TMEM243: variants seen among roughly 807,000 people sequenced by gnomAD.
TMEM243 encodes transmembrane protein 243.
Under a neutral mutation model 15.0 loss-of-function variants are expected in TMEM243, and 20 were observed. The observed-to-expected ratio is 1.33, with a 90% confidence interval of 0.94 to 1.93. The LOEUF (loss-of-function observed/expected upper bound fraction) is 1.93. Ranked by LOEUF, TMEM243 falls within the 30% of genes most tolerant of loss-of-function variation. TMEM243 has a pLI of 0.00. For missense variants in TMEM243, 156 were observed against 142.1 expected (o/e 1.10, Z -0.50); for synonymous variants, 72 against 52.7 (o/e 1.37, Z -1.59).
At chr7:87,208,478 G>C (rs1802385642) in intron 1 of TMEM243, among the ~76,000 whole-genome samples, 1 of 152,176 alleles carries the variant, frequency 6.6e-6, no homozygotes, top group Admixed American at 6.5e-5. Flanking sequence ...CTGCCCCTGT[G>C]CTTTTCAGGG....
chr7:87,217,100 G>T (rs1803168698), intron 1 of TMEM243, among the ~76,000 whole-genome samples: 1 of 152,214 alleles, frequency 6.6e-6, no homozygotes, highest in South Asian at 2.1e-4. Context: ...CTTTGCCTTA[G>T]AGCTTGCACC....
intron 1 of TMEM243, among the ~76,000 whole-genome samples, chr7:87,212,986 C>T (rs976762350): frequency 6.6e-6 from 1 of 152,150 alleles, no homozygotes; most frequent in Non-Finnish European, 1.5e-5. Context: ...TGAGAAGAGA[C>T]TGGATTACAG....
intron 1 of TMEM243, among the ~76,000 whole-genome samples, chr7:87,205,380 T>G (rs922674854): frequency 7.9e-5 from 12 of 152,160 alleles, no homozygotes; most frequent in Non-Finnish European, 1.5e-4. Flanking sequence ...GGCTGCAAGT[T>G]TTCTCCTTAG....
chr7:87,219,075 G>A (rs369335075), intron 1 of TMEM243, among the ~76,000 whole-genome samples: 5 of 152,132 alleles, frequency 3.3e-5, no homozygotes, highest in African/African-American at 9.6e-5. Context: ...AGCTCTGGGC[G>A]CACACCTGAA....
intron 1 of TMEM243, among the ~76,000 whole-genome samples, chr7:87,200,506 C>T (rs1483206961): frequency 6.6e-6 from 1 of 152,110 alleles, no homozygotes; most frequent in Non-Finnish European, 1.5e-5. Flanking sequence ...CAGGGATTTC[C>T]AAAATGAAGC....
At chr7:87,220,525 T>TC (rs1259615760), upstream of TMEM243, 1 of 152,216 alleles carries the variant, frequency 6.6e-6, no homozygotes, top group East Asian at 1.9e-4. Flanking sequence ...GCGGATCACC[T>TC]CCCGGCTCCT....
rs756237349 is a variant in TMEM243 at position 87,219,480 on chromosome 7, G to A, written c.24C>T (p.Thr8=). 1.5e-5 allele frequency: 24 copies of A among 1,614,204 alleles called. No homozygotes were observed. The South Asian group carries it at 2.4e-4, about 16-fold the overall frequency. The change falls in exon 1 of 4, where the codon ACC becomes ACT. Residue 8 remains threonine (T), a synonymous_variant. Transcript: ENST00000257637. MEDFATR[T]YGTSGLDNRP... The stretch of plus-strand genomic sequence containing the variant: ...TGTTGTCCAGGCCACTGGTGCCGTA[G>A]GTCCTGGTAGCAAAGTCCTCCATTT...
chr7:87,197,746 G>T, intron 3 of TMEM243, 195 bp downstream of exon 3: 2 of 1,223,578 alleles, frequency 1.6e-6, no homozygotes, highest in Non-Finnish European at 2.1e-6. Context: ...ATTTCTCTTT[G>T]GGGTTACAAC....
At chr7:87,199,889 A>T (rs541805542) in intron 1 of TMEM243, among the ~76,000 whole-genome samples, 10 of 152,318 alleles carry the variant, frequency 6.6e-5, no homozygotes, top group African/African-American at 2.4e-4. Flanking sequence ...GTAAAGTATG[A>T]TAGTGACATG....
chr7:87,213,667 A>G (rs1802913902), intron 1 of TMEM243, among the ~76,000 whole-genome samples: 1 of 152,254 alleles, frequency 6.6e-6, no homozygotes, highest in South Asian at 2.1e-4. Flanking sequence ...AATGGCATGA[A>G]GTAGCAACTC....
chr7:87,209,637 CGAGAGAGACAGT>C (rs1802510987), intron 1 of TMEM243, among the ~76,000 whole-genome samples: 1 of 91,870 alleles, frequency 1.1e-5, no homozygotes, highest in Admixed American at 1.1e-4. Flanking sequence ...AGATAGAGAG[CGAGAGAGACAGT>C]GAGAGACAGA....
chr7:87,204,100 AAG>A (rs1470623933), intron 1 of TMEM243, among the ~76,000 whole-genome samples: 2 of 152,232 alleles, frequency 1.3e-5, no homozygotes, highest in African/African-American at 4.8e-5. Context: ...GATGGCAGGC[AAG>A]AGAGAAAATG....
chr7:87,210,086 G>C (rs1384180117), intron 1 of TMEM243, among the ~76,000 whole-genome samples: 1 of 150,040 alleles, frequency 6.7e-6, no homozygotes. Context: ...CGGGAGCGGG[G>C]AAGCGTGTGG....
intron 1 of TMEM243, among the ~76,000 whole-genome samples, chr7:87,206,242 G>A (rs1584531661): frequency 6.6e-6 from 1 of 152,132 alleles, no homozygotes; most frequent in Non-Finnish European, 1.5e-5. Flanking sequence ...TGACATTTGG[G>A]TGAGGACACA....
At chr7:87,212,912 C>T (rs1802854225) in intron 1 of TMEM243, among the ~76,000 whole-genome samples, 1 of 152,190 alleles carries the variant, frequency 6.6e-6, no homozygotes, top group Non-Finnish European at 1.5e-5. Flanking sequence ...CTACACAAGT[C>T]CCTCACAGCA....
chr7:87,209,874 CAGTG>C lies in TMEM243; in HGVS notation c.78+9548_78+9551del, dbSNP rs778020391. ...AGCGAGAGAGAGAGAGAGCAAGAGA[CAGTG>C]AGAGCGTGAGAGACAGTGAGAGAGT... On this transcript the variant is annotated intron_variant, in intron 1 of 3. Coordinates refer to ENST00000257637, the MANE Select transcript of TMEM243 (RefSeq NM_024315.4). Among the ~76,000 whole-genome samples, 550 of 129,860 alleles carry C rather than the reference CAGTG, an allele frequency of 4.2e-3. 10 individuals are homozygous for C. Among genetic ancestry groups the C allele is most frequent in the African/African-American group, 0.015 (484 of 32,782 alleles). 85.2% of individuals were successfully genotyped at this position (129,860 alleles called of 152,430 possible).
At position 87,204,095 on chromosome 7, in the gene TMEM243, C is replaced by G. The variant is rs995460879; in HGVS notation, c.79-5038G>C. Among the ~76,000 whole-genome samples the G allele has an allele frequency of 2.0e-5, 3 of 152,162 alleles. No individual in the cohort carries two copies. In the South Asian group the frequency reaches 6.2e-4, roughly 32 times the overall value. On this transcript the variant is annotated intron_variant, in intron 1 of 3. Coordinates refer to ENST00000257637, the MANE Select transcript of TMEM243 (RefSeq NM_024315.4). ...GTGATAGGCACGTCTTACATGATGG[C>G]AGGCAAGAGAGAAAATGAGAGCCAA...
intron 1 of TMEM243, among the ~76,000 whole-genome samples, chr7:87,203,624 A>C (rs1383027059): frequency 6.6e-6 from 1 of 151,366 alleles, no homozygotes; most frequent in African/African-American, 2.4e-5. Context: ...AAAAAAAAAA[A>C]TTGTCTTAAA....
At chr7:87,197,440 AAATC>A (rs1403537865) in intron 3 of TMEM243, among the ~76,000 whole-genome samples, 1 of 152,100 alleles carries the variant, frequency 6.6e-6, no homozygotes, top group Admixed American at 6.6e-5. Flanking sequence ...CATTTGCAGT[AAATC>A]AAACATTTTT....
Sources: gnomAD v4.1 joint callset for allele counts (sites outside exome capture counted in the v4.1 genomes callset) on GRCh38, gnomAD v4.1.1 for gene constraint, MANE v1.5 for transcripts, NCBI Gene and HGNC (gene_info 2026-07-23, HGNC 2026-07-21) for gene names.